Variants in ANKRD11 observed in about 807,000 individuals in gnomAD.
The protein encoded by ANKRD11 is ankyrin repeat domain-containing protein 11.
A neutral mutation model predicts 195.7 loss-of-function variants in ANKRD11; 17 were observed. That is an observed-to-expected ratio of 0.09 (90% CI 0.06 to 0.13). The LOEUF (loss-of-function observed/expected upper bound fraction) is 0.13, where lower values mean the gene tolerates loss of function less well. Ranked by LOEUF, ANKRD11 falls within the 10% of genes least tolerant of loss-of-function variation. The pLI is 1.00. For synonymous variants in ANKRD11, 1,953 were observed against 1,528.1 expected, an observed-to-expected ratio of 1.28 and a Z score of -6.49; for missense variants, 3,735 against 3,566.1, an observed-to-expected ratio of 1.05 and a Z score of -1.21.
intron 2 of ANKRD11, among the ~76,000 whole-genome samples, chr16:89,326,552 G>A (rs2037734067): frequency 6.6e-6 from 1 of 152,130 alleles, no homozygotes; most frequent in South Asian, 2.1e-4. Flanking sequence ...TGAGACCCGG[G>A]CAATGTAGGG....
chr16:89,336,655 G>A (rs2038370223), intron 2 of ANKRD11, among the ~76,000 whole-genome samples: 2 of 152,172 alleles, frequency 1.3e-5, no homozygotes, highest in South Asian at 4.1e-4. Context: ...CACCCCCCGG[G>A]TGGGCCACGA....
chr16:89,405,822 T>C (rs973692038), intron 2 of ANKRD11, among the ~76,000 whole-genome samples: 1 of 152,108 alleles, frequency 6.6e-6, no homozygotes, highest in Non-Finnish European at 1.5e-5. Flanking sequence ...AAGGATGCAC[T>C]GCAGTCAATC....
At chr16:89,297,682 C>T (rs1393920323) in intron 4 of ANKRD11, 5 of 152,242 alleles carry the variant, frequency 3.3e-5, no homozygotes, top group Admixed American at 6.5e-5. Flanking sequence ...AGACAAGCTC[C>T]GAACAGCCTG....
intron 12 of ANKRD11, chr16:89,270,408 G>A (rs1336762476): frequency 6.7e-6 from 2 of 297,692 alleles, no homozygotes; most frequent in East Asian, 8.6e-5. Flanking sequence ...AGCAGCCCTC[G>A]CGACCGGGAT....
At chr16:89,305,682 ACACGCGCCACCTCCCACTCCGCAG>A in intron 3 of ANKRD11, among the ~76,000 whole-genome samples, 2 of 39,684 alleles carry the variant, frequency 5.0e-5, no homozygotes, top group African/African-American at 1.7e-4. Flanking sequence ...CACTCCGCAG[ACACGCGCCACCTCCCACTCCGCAG>A]ACACGCGCCA....
chr16:89,433,785 G>C (rs1432404405), intron 1 of ANKRD11, among the ~76,000 whole-genome samples: 1 of 151,794 alleles, frequency 6.6e-6, no homozygotes. Flanking sequence ...GAGTAAGAGA[G>C]AAGCAACGGG....
At chr16:89,475,740 G>A (rs192215355) in intron 1 of ANKRD11, among the ~76,000 whole-genome samples, 31 of 152,224 alleles carry the variant, frequency 2.0e-4, no homozygotes, top group Admixed American at 1.6e-3. Flanking sequence ...TTTAAAGAGG[G>A]ATAAGGAACA....
intron 1 of ANKRD11, among the ~76,000 whole-genome samples, chr16:89,456,286 T>C (rs1311808899): frequency 1.3e-5 from 2 of 151,190 alleles, no homozygotes; most frequent in East Asian, 1.9e-4. Flanking sequence ...AGCTGGCTCA[T>C]GCCTGTAATC....
intron 3 of ANKRD11, among the ~76,000 whole-genome samples, chr16:89,310,596 G>A (rs2036556655): frequency 6.6e-6 from 1 of 152,140 alleles, no homozygotes; most frequent in African/African-American, 2.4e-5. Flanking sequence ...GCATTTAGGT[G>A]TTTCTGAATT....
chr16:89,401,568 A>C lies in ANKRD11; in HGVS notation c.-60+16716T>G, dbSNP rs1457049331. Among the ~76,000 whole-genome samples, 3 of 152,150 alleles carry C rather than the reference A, an allele frequency of 2.0e-5. No individual in the cohort carries two copies. The East Asian group carries it at 5.8e-4, about 29-fold the overall frequency. On this transcript the variant is annotated intron_variant, in intron 2 of 12. Transcript: ENST00000301030. ...GGTGGAAGGATTACAGGCGATTTTT[A>C]CTTTCTTCTCTATGCTTTATTTACT...
chr16:89,416,318 G>A (rs2042310198), intron 2 of ANKRD11, among the ~76,000 whole-genome samples: 1 of 151,070 alleles, frequency 6.6e-6, no homozygotes, highest in South Asian at 2.1e-4. Flanking sequence ...TTTTTCCCCA[G>A]AGACAGAGTC....
Position 89,283,295 on chromosome 16 carries a change from C to T in ANKRD11, c.3247G>A (p.Gly1083Arg). ...AAAGCCTTCTCCTTCTTCTCTTTCCCTTGGTCGAGAGACGCTTTCCTTTCT... is the reference window on the plus strand; with the variant it reads ...AAAGCCTTCTCCTTCTTCTCTTTCCTTTGGTCGAGAGACGCTTTCCTTTCT... ...DKERKASLDQ[G>R]KEKKEKAFPG... is the part of the protein sequence containing the mutation. The change falls in exon 9 of 13, where the codon GGG becomes AGG. Residue 1083 changes from glycine (G) to arginine (R), a missense_variant. Coordinates refer to ENST00000301030, the MANE Select transcript of ANKRD11 (RefSeq NM_013275.6). This position sits in a 1 kb window ranked among gnomAD's most constrained non-coding sequence, Gnocchi z 4.3. 1 of 1,614,134 alleles carries T rather than the reference C, an allele frequency of 6.2e-7. No individual in the cohort carries two copies. The highest frequency in any genetic ancestry group is 8.5e-7 in the Non-Finnish European group (1 of 1,180,040).
chr16:89,302,029 C>T (rs931855275), intron 4 of ANKRD11, among the ~76,000 whole-genome samples: 1 of 152,232 alleles, frequency 6.6e-6, no homozygotes, highest in African/African-American at 2.4e-5. Context: ...AGAGGCCTGA[C>T]TGCTGGGGAC....
intron 4 of ANKRD11, among the ~76,000 whole-genome samples, chr16:89,295,026 T>TA (rs1273297357): frequency 6.6e-6 from 1 of 152,228 alleles, no homozygotes; most frequent in Admixed American, 6.5e-5. Flanking sequence ...CAAATACAAT[T>TA]TCTATGAATT....
intron 3 of ANKRD11, among the ~76,000 whole-genome samples, chr16:89,308,526 A>C (rs936319009): frequency 5.9e-5 from 9 of 152,220 alleles, no homozygotes; most frequent in African/African-American, 2.2e-4. Context: ...GATTCTCATC[A>C]GGAAAATGCA....
chr16:89,380,459 C>T (rs865951692), intron 2 of ANKRD11, among the ~76,000 whole-genome samples: 20 of 152,284 alleles, frequency 1.3e-4, no homozygotes, highest in African/African-American at 4.8e-4. Context: ...TTAGAGCTCC[C>T]TGAGCCTTCA....
chr16:89,361,399 G>A (rs1417733637), intron 2 of ANKRD11: 3 of 152,338 alleles, frequency 2.0e-5, no homozygotes, highest in Non-Finnish European at 4.4e-5. Context: ...CACTGAGCAT[G>A]AGCTGCCTCA....
At chr16:89,479,939 T>A (rs1426183001) in intron 1 of ANKRD11, among the ~76,000 whole-genome samples, 1 of 121,962 alleles carries the variant, frequency 8.2e-6, no homozygotes. Context: ...CGAGACTCCA[T>A]CTCAAAAAAA....
chr16:89,371,393 G>A (rs1403535376), intron 2 of ANKRD11, among the ~76,000 whole-genome samples: 1 of 152,184 alleles, frequency 6.6e-6, no homozygotes, highest in Non-Finnish European at 1.5e-5. Flanking sequence ...TTTAAATCAA[G>A]TCATTCCCTG....
Sources: allele counts gnomAD v4.1 joint callset (sites outside exome capture counted in the v4.1 genomes callset), GRCh38; gene constraint gnomAD v4.1.1; non-coding constraint Gnocchi (gnomAD v3.1); transcripts MANE v1.5; gene names NCBI Gene and HGNC (gene_info 2026-07-23, HGNC 2026-07-21).